MCTS2: variants seen among roughly 807,000 people sequenced by gnomAD.
MCTS2 encodes the protein MCTS family member 2.
the MCTS2 span, chr20:31,547,412 G>A: frequency 2.2e-6 from 1 of 458,024 alleles, no homozygotes; most frequent in Non-Finnish European, 3.9e-6. Context: ...GGCAGGCCGC[G>A]TGGCGCCCGC....
At chr20:31,547,710 G>GT in the MCTS2 span, 1 of 1,292,572 alleles carries the variant, frequency 7.7e-7, no homozygotes, top group Non-Finnish European at 1.1e-6. Flanking sequence ...GGGAATTATT[G>GT]TTTTTTAGAC....
the MCTS2 span, chr20:31,547,686 C>A: frequency 7.1e-7 from 1 of 1,410,966 alleles, no homozygotes; most frequent in Non-Finnish European, 9.8e-7. Flanking sequence ...ATACAGAAAT[C>A]CTTACCGTAA....
chr20:31,547,417 G>A, the MCTS2 span: 3 of 462,128 alleles, frequency 6.5e-6, no homozygotes, highest in African/African-American at 4.2e-5. Context: ...GCCGCGTGGC[G>A]CCCGCGCCGG....
the MCTS2 span, chr20:31,547,693 G>A: frequency 3.7e-6 from 5 of 1,359,522 alleles, no homozygotes; most frequent in African/African-American, 2.9e-5. Context: ...AATCCTTACC[G>A]TAAGTGGGGA....
At chr20:31,548,003 T>C in the MCTS2 span, 2 of 1,591,504 alleles carry the variant, frequency 1.3e-6, no homozygotes, top group Non-Finnish European at 1.7e-6. Flanking sequence ...ATTGAAAATA[T>C]CCATTATTTA....
the MCTS2 span, chr20:31,547,649 C>T: frequency 1.9e-6 from 3 of 1,567,520 alleles, no homozygotes; most frequent in Non-Finnish European, 2.6e-6. Flanking sequence ...AAGAAAGATC[C>T]TGTCAAAATA....
the MCTS2 span, chr20:31,547,494 A>ATGT: frequency 1.5e-6 from 1 of 677,432 alleles, no homozygotes; most frequent in East Asian, 2.8e-5. Flanking sequence ...CGCCCGCTTC[A>ATGT]CCCTGGATCA....
At chr20:31,547,542 C>T in the MCTS2 span, 1 of 897,384 alleles carries the variant, frequency 1.1e-6, no homozygotes, top group South Asian at 1.5e-5. Context: ...GTGTGTCCAA[C>T]TGCATCCAGT....
At chr20:31,547,425 C>T in the MCTS2 span, 2 of 488,268 alleles carry the variant, frequency 4.1e-6, no homozygotes, top group East Asian at 3.9e-5. Context: ...GCGCCCGCGC[C>T]GGCCTTCCTG....
chr20:31,547,551 G>A, the MCTS2 span: 43 of 1,009,452 alleles, frequency 4.3e-5, no homozygotes, highest in Non-Finnish European at 2.0e-5. Context: ...ACTGCATCCA[G>A]TTGAAAACGT....
the MCTS2 span, chr20:31,547,498 T>A: frequency 2.9e-6 from 2 of 692,664 alleles, no homozygotes; most frequent in Non-Finnish European, 5.0e-6. Context: ...CGCTTCACCC[T>A]GGATCATGTT....
At chr20:31,547,424 C>T in the MCTS2 span, 1 of 483,422 alleles carries the variant, frequency 2.1e-6, no homozygotes, top group Non-Finnish European at 3.7e-6. Flanking sequence ...GGCGCCCGCG[C>T]CGGCCTTCCT....
chr20:31,547,708 T>G, the MCTS2 span: 1 of 1,313,216 alleles, frequency 7.6e-7, no homozygotes, highest in Non-Finnish European at 1.1e-6. Flanking sequence ...TGGGGAATTA[T>G]TGTTTTTTAG....
chr20:31,547,827 C>A, the MCTS2 span: 1 of 933,910 alleles, frequency 1.1e-6, no homozygotes, highest in Non-Finnish European at 1.8e-6. Context: ...TACTCAGTGG[C>A]GCAAATATTA....
At chr20:31,547,548 C>A in the MCTS2 span, 2 of 931,724 alleles carry the variant, frequency 2.1e-6, no homozygotes, top group Non-Finnish European at 3.4e-6. Flanking sequence ...CCAACTGCAT[C>A]CAGTTGAAAA....
At chr20:31,548,070 G>T in the MCTS2 span, 2 of 1,458,340 alleles carry the variant, frequency 1.4e-6, no homozygotes, top group Non-Finnish European at 1.9e-6. Flanking sequence ...GAATGCATTT[G>T]GGGGGCTAAA....
At chr20:31,548,068 T>C in the MCTS2 span, 1 of 1,472,120 alleles carries the variant, frequency 6.8e-7, no homozygotes, top group Non-Finnish European at 9.5e-7. Flanking sequence ...AGGAATGCAT[T>C]TGGGGGGCTA....
chr20:31,547,689 T>C, the MCTS2 span: 1 of 1,376,928 alleles, frequency 7.3e-7, no homozygotes, highest in Non-Finnish European at 1.0e-6. Flanking sequence ...CAGAAATCCT[T>C]ACCGTAAGTG....
the MCTS2 span, chr20:31,547,940 G>A: frequency 1.5e-6 from 2 of 1,339,090 alleles, no homozygotes; most frequent in African/African-American, 1.4e-5. Context: ...CTGTGTGTTG[G>A]GGTCATGAAG....
Sources: gnomAD v4.1 joint callset for allele counts on GRCh38, gnomAD v4.1.1 for gene constraint, MANE v1.5 for transcripts, NCBI Gene and HGNC (gene_info 2026-07-23, HGNC 2026-07-21) for gene names.